The following SPSB4 variants were observed in gnomAD, a reference collection of about 807,000 sequenced individuals.
SPSB4 encodes splA/ryanodine receptor domain and SOCS box containing 4, also known as SPRY domain-containing SOCS box protein 4.
In SPSB4, 21 loss-of-function variants were observed where a neutral mutation model predicts 20.9. That is an observed-to-expected ratio of 1.01 (90% CI 0.71 to 1.45). The LOEUF (loss-of-function observed/expected upper bound fraction) is 1.45. Ranked by LOEUF, SPSB4 falls within the 40% of genes most tolerant of loss-of-function variation. The pLI, the probability that SPSB4 is intolerant of heterozygous loss-of-function variation, is 0.00. For missense variants in SPSB4, 399 were observed against 399.2 expected (o/e 1.00, Z 0.00); for synonymous variants, 207 against 183.8 (o/e 1.13, Z -1.02).
At position 141,072,163 on chromosome 3, in the gene SPSB4, G is replaced by A. The variant is rs139527265; in HGVS notation, c.694+5365G>A. Among the ~76,000 whole-genome samples, 421 of 152,340 alleles carry A rather than the reference G, an allele frequency of 2.8e-3. 2 individuals carry two copies. The highest frequency in any genetic ancestry group is 3.5e-3 in the South Asian group (17 of 4,822). On this transcript the variant is annotated intron_variant, in intron 2 of 2. Coordinates refer to ENST00000310546, the MANE Select transcript of SPSB4 (RefSeq NM_080862.3). ...CGAGGACTCTGGCTCTGCATGGGGA[G>A]TTTAGCACTGAGTTCTTCTGCATCT...
intron 2 of SPSB4, among the ~76,000 whole-genome samples, chr3:141,100,934 TG>T (rs1938603986): frequency 6.6e-6 from 1 of 152,172 alleles, no homozygotes; most frequent in East Asian, 1.9e-4. Flanking sequence ...GTGAAGTGGT[TG>T]GAGGCCCCTT....
At chr3:141,056,375 G>C (rs1331724293) in intron 1 of SPSB4, among the ~76,000 whole-genome samples, 2 of 152,124 alleles carry the variant, frequency 1.3e-5, no homozygotes, top group Non-Finnish European at 1.5e-5. Context: ...CCTGGGGCTG[G>C]AGCAGCTCCC....
intron 2 of SPSB4, among the ~76,000 whole-genome samples, chr3:141,079,219 C>T (rs1232639987): frequency 6.6e-6 from 1 of 151,444 alleles, no homozygotes; most frequent in African/African-American, 2.4e-5. Flanking sequence ...TGAGATCACA[C>T]CACTGCACTC....
chr3:141,121,007 C>T (rs921815741), intron 2 of SPSB4, among the ~76,000 whole-genome samples: 1 of 150,070 alleles, frequency 6.7e-6, no homozygotes, highest in East Asian at 2.0e-4. Context: ...TTCCTAGCTT[C>T]GATGCTCTTT....
chr3:141,101,842 G>A (rs973845322), intron 2 of SPSB4, among the ~76,000 whole-genome samples: 2 of 152,180 alleles, frequency 1.3e-5, no homozygotes, highest in African/African-American at 2.4e-5. Context: ...TGCACTATTC[G>A]TTTCCACGCA....
rs1936092741 is a variant in SPSB4 at position 141,051,724 on chromosome 3, T to C, written c.-422T>C. The stretch of plus-strand genomic sequence containing the variant: ...CCCAGGATCGCTTCAGTAAGGCGCT[T>C]CCCCACTCCAGGCCCGACCCCCGGC... On this transcript the variant is annotated 5_prime_UTR_variant, in exon 1 of 3. Coordinates refer to ENST00000310546, the MANE Select transcript of SPSB4 (RefSeq NM_080862.3). 1 of 152,062 alleles carries C rather than the reference T, an allele frequency of 6.6e-6. No individual in the cohort carries two copies. The highest frequency in any genetic ancestry group is 2.4e-5 in the African/African-American group (1 of 41,398). The allele number at this position is 152,062 out of a possible 1,614,324, so 9.4% of individuals were successfully genotyped here.
Position 141,066,130 on chromosome 3 carries a change from T to A in SPSB4, c.26T>A (p.Leu9His). 1 of 1,531,166 alleles carries A rather than the reference T, an allele frequency of 6.5e-7. No homozygotes were observed. The highest frequency in any genetic ancestry group is 2.0e-5 in the Admixed American group (1 of 49,600). The allele number at this position is 1,531,166 out of a possible 1,614,324, so 94.8% of individuals were successfully genotyped here. Residue 9 changes from leucine (L) to histidine (H), a missense_variant, in exon 2 of 3, where the codon CTC becomes CAC. Transcript: ENST00000310546. MGQKLSGS[L>H]KSVEVREPAL... ...ATGGGCCAGAAGCTCTCGGGGAGCC[T>A]CAAGTCAGTGGAGGTGCGAGAGCCG... is the stretch of plus-strand genomic sequence containing the variant.
intron 2 of SPSB4, among the ~76,000 whole-genome samples, chr3:141,120,562 C>A (rs1375508914): frequency 6.6e-6 from 1 of 152,176 alleles, no homozygotes; most frequent in Non-Finnish European, 1.5e-5. Flanking sequence ...CTTTGTAGAT[C>A]TCTAAGGACT....
chr3:141,126,803 C>A (rs771733967), intron 2 of SPSB4, among the ~76,000 whole-genome samples: 3 of 152,178 alleles, frequency 2.0e-5, no homozygotes, highest in Admixed American at 6.5e-5. Flanking sequence ...CCACTCCGAC[C>A]CCTTCCATGG....
chr3:141,125,434 T>A (rs1187697818), intron 2 of SPSB4, among the ~76,000 whole-genome samples: 8 of 152,296 alleles, frequency 5.3e-5, no homozygotes, highest in African/African-American at 1.9e-4. Flanking sequence ...CATCACATCA[T>A]GGCAGGGGAA....
chr3:141,117,515 T>G (rs1938895905), intron 2 of SPSB4, among the ~76,000 whole-genome samples: 1 of 152,244 alleles, frequency 6.6e-6, no homozygotes, highest in Non-Finnish European at 1.5e-5. Context: ...TGTTTTTATT[T>G]TTATTTTTAA....
chr3:141,084,959 T>G (rs900650031), intron 2 of SPSB4, among the ~76,000 whole-genome samples: 1 of 151,908 alleles, frequency 6.6e-6, no homozygotes, highest in African/African-American at 2.4e-5. Flanking sequence ...GTGATAGGGG[T>G]TGTAATTGAG....
At position 141,091,307 on chromosome 3, in the gene SPSB4, G is replaced by A. The variant is rs1408107136; in HGVS notation, c.694+24509G>A. 3.9e-5 allele frequency among the ~76,000 whole-genome samples: 6 copies of A among 152,188 alleles called. No individual in the cohort carries two copies. In the South Asian group the frequency reaches 8.3e-4, roughly 21 times the overall value. On this transcript the variant is annotated intron_variant, in intron 2 of 2. Coordinates refer to ENST00000310546, the MANE Select transcript of SPSB4 (RefSeq NM_080862.3). ...GCTCAGTTTCTGCTTCTGTAAAGTA[G>A]GGATAAAAGCCATAACCACCTCGTG...
chr3:141,056,798 CCT>C (rs1937651089), intron 1 of SPSB4, among the ~76,000 whole-genome samples: 1 of 152,262 alleles, frequency 6.6e-6, no homozygotes, highest in African/African-American at 2.4e-5. Flanking sequence ...CTGGGGCAGG[CCT>C]CTGGGCTCAG....
chr3:141,142,992 G>A (rs758189687), intron 2 of SPSB4, among the ~76,000 whole-genome samples: 6 of 151,030 alleles, frequency 4.0e-5, no homozygotes, highest in Admixed American at 6.6e-5. Context: ...AATTTTTTGT[G>A]TTTTTAGTAG....
At chr3:141,123,601 G>A (rs1939004935) in intron 2 of SPSB4, among the ~76,000 whole-genome samples, 1 of 152,174 alleles carries the variant, frequency 6.6e-6, no homozygotes, top group Admixed American at 6.5e-5. Context: ...GGGAATTGGG[G>A]ACCCATTCCT....
chr3:141,122,913 C>T (rs1024185737), intron 2 of SPSB4, among the ~76,000 whole-genome samples: 3 of 152,166 alleles, frequency 2.0e-5, no homozygotes, highest in Non-Finnish European at 4.4e-5. Flanking sequence ...GAGGCGACGC[C>T]CCGTCCTGCT....
intron 2 of SPSB4, among the ~76,000 whole-genome samples, chr3:141,081,857 G>A (rs566423826): frequency 3.9e-5 from 6 of 152,314 alleles, no homozygotes; most frequent in African/African-American, 1.4e-4. Flanking sequence ...GACGGCGTTA[G>A]GGGCTACTTC....
In SPSB4 at chr3:141,100,672, C is replaced by T. The variant is rs150966613; in HGVS notation, c.694+33874C>T. Among the ~76,000 whole-genome samples the T allele has an allele frequency of 7.0e-3, 1,068 of 152,302 alleles. 8 individuals are homozygous for T. Among genetic ancestry groups the T allele is most frequent in the Middle Eastern group, 0.017 (5 of 294 alleles). On this transcript the variant is annotated intron_variant, in intron 2 of 2. Transcript: ENST00000310546. ...TACACAGGGTTAGGGTGCATCTTCT[C>T]AGCCAGTGTGAAGCAAAGGTTCTTC...
Sources: gnomAD v4.1 joint callset for allele counts (sites outside exome capture counted in the v4.1 genomes callset) on GRCh38, gnomAD v4.1.1 for gene constraint, MANE v1.5 for transcripts, NCBI Gene and HGNC (gene_info 2026-07-23, HGNC 2026-07-21) for gene names.